Variants in PLD5 observed in about 807,000 individuals in gnomAD.
The protein encoded by PLD5 is inactive phospholipase D5.
In PLD5, 36 loss-of-function variants were observed where a neutral mutation model predicts 61.1. The observed-to-expected ratio is 0.59, with a 90% CI of 0.45 to 0.78. PLD5 has a LOEUF of 0.78. PLD5 is among the 30% of genes least tolerant of loss of function. The probability of loss-of-function intolerance (pLI) is 0.00; values close to 1 mark genes in which losing one functional copy is unlikely to be tolerated. For synonymous variants in PLD5, 243 were observed against 242.8 expected, an observed-to-expected ratio of 1.00 and a Z score of -0.01; for missense variants, 515 against 644.4, an observed-to-expected ratio of 0.80 and a Z score of 2.17.
At chr1:242,140,532 G>C (rs1414176078) in intron 5 of PLD5, among the ~76,000 whole-genome samples, 1 of 152,170 alleles carries the variant, frequency 6.6e-6, no homozygotes, top group Non-Finnish European at 1.5e-5. Flanking sequence ...AGCTACTCAG[G>C]TGGCAGAAAT....
chr1:242,329,547 C>T (rs1006571167), intron 2 of PLD5, among the ~76,000 whole-genome samples: 28 of 152,150 alleles, frequency 1.8e-4, no homozygotes, highest in Non-Finnish European at 1.6e-4. Context: ...CAAAATAGAA[C>T]TGCATTCTCC....
In PLD5 at chr1:242,495,739, A is replaced by G. The variant is rs1343217001; in HGVS notation, c.189+28349T>C. 3.9e-5 allele frequency among the ~76,000 whole-genome samples: 6 copies of G among 152,214 alleles called. No individual in the cohort carries two copies. The East Asian group carries it at 1.2e-3, about 29-fold the overall frequency. On this transcript the variant is annotated intron_variant, in intron 1 of 9. Coordinates refer to ENST00000536534, the MANE Select transcript of PLD5 (RefSeq NM_001372062.1). ...TCTAACAATCACTGGTTAAAAATCA[A>G]TACCACCTCATCTAGAGTTAGGCTG...
At chr1:242,312,352 A>G (rs1057208357) in intron 2 of PLD5, among the ~76,000 whole-genome samples, 6 of 152,064 alleles carry the variant, frequency 3.9e-5, no homozygotes, top group African/African-American at 1.4e-4. Context: ...ACCTTCACTA[A>G]TAGGCCCTCT....
chr1:242,231,601 T>C (rs544904393), intron 4 of PLD5, among the ~76,000 whole-genome samples: 5 of 152,278 alleles, frequency 3.3e-5, no homozygotes, highest in South Asian at 2.1e-4. Context: ...AGAAAACATA[T>C]GGCTACCATT....
At chr1:242,356,255 G>A (rs1660747232) in intron 1 of PLD5, among the ~76,000 whole-genome samples, 2 of 152,020 alleles carry the variant, frequency 1.3e-5, no homozygotes, top group African/African-American at 4.8e-5. Context: ...GTGCTACACT[G>A]TTAGGTGCAT....
chr1:242,112,283 CTGTGTGTGTGTGTGTGTGTGTG>C (rs748175841), intron 7 of PLD5, among the ~76,000 whole-genome samples: 5,530 of 119,746 alleles, frequency 0.046, 352 homozygotes, highest in African/African-American at 0.15. Context: ...AAAGGATGCA[CTGTGTGTGTGTGTGTGTGTGTG>C]TGTGTGTGTG....
At chr1:242,424,679 G>A (rs746602635) in intron 1 of PLD5, among the ~76,000 whole-genome samples, 2 of 152,032 alleles carry the variant, frequency 1.3e-5, no homozygotes, top group African/African-American at 2.4e-5. Flanking sequence ...CATGGCCTTC[G>A]TTTAGAAACT....
intron 1 of PLD5, among the ~76,000 whole-genome samples, chr1:242,474,214 A>G (rs566122926): frequency 6.6e-6 from 1 of 152,344 alleles, no homozygotes; most frequent in East Asian, 1.9e-4. Flanking sequence ...ACAACCTAAT[A>G]TAAGCCTCAA....
intron 1 of PLD5, among the ~76,000 whole-genome samples, chr1:242,459,202 G>A (rs142371930): frequency 2.8e-3 from 419 of 152,272 alleles, no homozygotes; most frequent in African/African-American, 9.6e-3. Flanking sequence ...GTATAACTCC[G>A]TTTCAATATA....
chr1:242,302,652 G>C (rs908123502), intron 2 of PLD5, among the ~76,000 whole-genome samples: 1 of 152,212 alleles, frequency 6.6e-6, no homozygotes, highest in Non-Finnish European at 1.5e-5. Context: ...CCAGGAATTT[G>C]AGGTTACAGT....
At chr1:242,476,308 T>C (rs982259021) in intron 1 of PLD5, among the ~76,000 whole-genome samples, 5 of 151,810 alleles carry the variant, frequency 3.3e-5, no homozygotes, top group East Asian at 1.9e-4. Context: ...TGAGCCGAGA[T>C]TGCACCATTG....
chr1:242,482,527 A>G (rs1308371316), intron 1 of PLD5, among the ~76,000 whole-genome samples: 1 of 152,076 alleles, frequency 6.6e-6, no homozygotes, highest in Non-Finnish European at 1.5e-5. Flanking sequence ...AAAAAGAAAC[A>G]AACAAAGCCT....
chr1:242,523,133 G>A (rs1458138710), intron 1 of PLD5, among the ~76,000 whole-genome samples: 1 of 152,000 alleles, frequency 6.6e-6, no homozygotes, highest in Non-Finnish European at 1.5e-5. Context: ...CATTGTTGGC[G>A]TCCTGACCCA....
chr1:242,195,760 T>C (rs1294008292), intron 5 of PLD5, among the ~76,000 whole-genome samples: 3 of 152,128 alleles, frequency 2.0e-5, no homozygotes, highest in Admixed American at 6.5e-5. Flanking sequence ...TTCATCTCTC[T>C]CTCCAAGAAA....
intron 1 of PLD5, among the ~76,000 whole-genome samples, chr1:242,435,234 T>C (rs1665933610): frequency 6.6e-6 from 1 of 152,128 alleles, no homozygotes; most frequent in Admixed American, 6.5e-5. Context: ...ACAAGGGCTT[T>C]GATGGTCATT....
intron 9 of PLD5, among the ~76,000 whole-genome samples, chr1:242,099,366 A>G (rs187976607): frequency 1.3e-5 from 2 of 152,286 alleles, no homozygotes; most frequent in South Asian, 2.1e-4. Context: ...ACCTCAGGTG[A>G]TCCACCTGCC....
chr1:242,221,817 C>T (rs1670606628), intron 4 of PLD5, among the ~76,000 whole-genome samples: 1 of 152,126 alleles, frequency 6.6e-6, no homozygotes. Flanking sequence ...TGTGGCCGGC[C>T]CCACAGACAC....
intron 2 of PLD5, among the ~76,000 whole-genome samples, chr1:242,345,004 G>C (rs1322214104): frequency 6.6e-6 from 1 of 152,174 alleles, no homozygotes; most frequent in Non-Finnish European, 1.5e-5. Context: ...CAGATCTCGT[G>C]AGACTTATTC....
Position 242,345,615 on chromosome 1 carries a change from G to A in PLD5, c.326+2491C>T, listed in dbSNP as rs541109987. 240 of 1,302,764 alleles carry A rather than the reference G, an allele frequency of 1.8e-4. 1 individual carries two copies. The South Asian group carries it at 2.7e-3, about 15-fold the overall frequency. 80.7% of individuals were successfully genotyped at this position (1,302,764 alleles called of 1,614,324 possible). Reference sequence around the variant, plus strand: ...CATCCACCTGGAGTACCCTCTGTTGGCAGAATATGACTTTCAGAAGGATTC... The same window carrying A: ...CATCCACCTGGAGTACCCTCTGTTGACAGAATATGACTTTCAGAAGGATTC... On this transcript the variant is annotated intron_variant, in intron 2 of 9. Transcript: ENST00000536534.
Sources: gnomAD v4.1 joint callset for allele counts (sites outside exome capture counted in the v4.1 genomes callset) on GRCh38, gnomAD v4.1.1 for gene constraint, MANE v1.5 for transcripts, NCBI Gene and HGNC (gene_info 2026-07-23, HGNC 2026-07-21) for gene names.